RNF141: variants seen among roughly 807,000 people sequenced by gnomAD.
RNF141 encodes the protein ring finger protein 141, also known as C3HC4-like zinc finger protein.
RNF141 carries 18 observed loss-of-function variants against 27.4 expected under a neutral mutation model. The observed-to-expected ratio is 0.66, with a 90% CI of 0.45 to 0.97. The LOEUF (loss-of-function observed/expected upper bound fraction) is 0.97. RNF141 is among the 50% of genes least tolerant of loss of function. RNF141 has a pLI of 0.00. For missense variants in RNF141, 230 were observed against 279.4 expected (o/e 0.82, Z 1.26); for synonymous variants, 97 against 96.6 (o/e 1.00, Z -0.02).
intron 1 of RNF141, among the ~76,000 whole-genome samples, chr11:10,539,404 C>T (rs1357646558): frequency 6.6e-6 from 1 of 151,898 alleles, no homozygotes; most frequent in Admixed American, 6.6e-5. Flanking sequence ...AATTTTGTAT[C>T]AACCTCACCT....
chr11:10,532,692 C>G (rs778816314), intron 2 of RNF141, among the ~76,000 whole-genome samples: 3 of 152,162 alleles, frequency 2.0e-5, no homozygotes, highest in Non-Finnish European at 4.4e-5. Flanking sequence ...GACAGTATAT[C>G]AAGCTTATCT....
intron 5 of RNF141, chr11:10,515,315 C>A: frequency 2.4e-6 from 1 of 413,000 alleles, no homozygotes; most frequent in Non-Finnish European, 4.3e-6. Context: ...CACATGCACG[C>A]ACGTGCACAC....
chr11:10,512,506 G>A lies in RNF141; in HGVS notation c.*2410C>T, dbSNP rs1215988855. 6.6e-6 allele frequency: 1 copy of A among 152,516 alleles called. No homozygotes were observed. The allele number at this position is 152,516 out of a possible 1,614,324, so 9.4% of individuals were successfully genotyped here. On this transcript the variant is annotated 3_prime_UTR_variant, in exon 6 of 6. Transcript: ENST00000265981. ...TCCTTGAAAGGTGAAGGATTCTGGG[G>A]GATAAAATCATTGGCTATCCCTGGA...
In RNF141 at chr11:10,519,125, C is replaced by A. The variant is rs756839079; in HGVS notation, c.451G>T (p.Asp151Tyr). Residue 151 changes from aspartate to tyrosine, a missense_variant, in exon 5 of 6, where the codon GAT becomes TAT. Asp to Tyr is a radical substitution (Grantham distance 160). Coordinates refer to ENST00000265981, the MANE Select transcript of RNF141 (RefSeq NM_016422.4). ...ATACAGATACAACACTCCTCCTCAT[C>A]GGTCAGCTGCTTCACCCTGCAATGT... The part of the protein sequence containing the change: ...LWMGRVKQLT[D>Y]EEECCICMDG... The A allele has an allele frequency of 6.2e-7, 1 of 1,613,786 alleles. No individual in the cohort carries two copies. Among genetic ancestry groups the A allele is most frequent in the East Asian group, 2.2e-5 (1 of 44,876 alleles).
In RNF141 at chr11:10,513,142, G is replaced by A. The variant is rs1018670649; in HGVS notation, c.*1774C>T. 7 of 152,194 alleles carry A rather than the reference G, an allele frequency of 4.6e-5. No homozygotes were observed. The highest frequency in any genetic ancestry group is 1.7e-4 in the African/African-American group (7 of 41,456). 9.4% of individuals were successfully genotyped at this position (152,194 alleles called of 1,614,324 possible). ...GATATGATGGAACCCCTGGTACTCT[G>A]CTTGCATAAACCTCCATAGGGAGTA... On this transcript the variant is annotated 3_prime_UTR_variant, in exon 6 of 6. Transcript: ENST00000265981.
Position 10,512,904 on chromosome 11 carries a change from A to G in RNF141, c.*2012T>C, listed in dbSNP as rs1364211230. On this transcript the variant is annotated 3_prime_UTR_variant, in exon 6 of 6. Transcript: ENST00000265981. ...TATATAAAGTTTATATAATAAGGAA[A>G]TTTATAATAATATGACTTTTATATA... 2 of 152,188 alleles carry G rather than the reference A, an allele frequency of 1.3e-5. No individual in the cohort carries two copies. The highest frequency in any genetic ancestry group is 4.8e-5 in the African/African-American group (2 of 41,460). The allele number at this position is 152,188 out of a possible 1,614,324, so 9.4% of individuals were successfully genotyped here. A position where few individuals can be genotyped will look rare whatever the true frequency, so the allele number is the denominator to read the frequency against.
In RNF141 at chr11:10,519,106, A is replaced by G; in HGVS notation, c.470T>C (p.Ile157Thr). 1.2e-6 allele frequency: 2 copies of G among 1,614,028 alleles called. No individual in the cohort carries two copies. Among genetic ancestry groups the G allele is most frequent in the East Asian group, 2.2e-5 (1 of 44,878 alleles). Residue 157 changes from isoleucine to threonine, a missense_variant, in exon 5 of 6, where the codon ATC (isoleucine) becomes ACC (threonine). By Grantham distance (89) the Ile-to-Thr change is moderately conservative (BLOSUM62 -1). Transcript: ENST00000265981. ...KQLTDEEECC[I>T]CMDGRADLIL... Reference sequence around the variant, plus strand: ...GAGGTCAGCCCGCCCATCCATACAGATACAACACTCCTCCTCATCGGTCAG... The same window carrying G: ...GAGGTCAGCCCGCCCATCCATACAGGTACAACACTCCTCCTCATCGGTCAG...
At chr11:10,515,363 G>C (rs1182698198) in intron 5 of RNF141, 15 of 276,568 alleles carry the variant, frequency 5.4e-5, no homozygotes. Flanking sequence ...TTACAGACTA[G>C]TATGTATCAG....
chr11:10,530,102 AG>A (rs1849972622), intron 3 of RNF141, among the ~76,000 whole-genome samples: 1 of 152,208 alleles, frequency 6.6e-6, no homozygotes, highest in South Asian at 2.1e-4. Flanking sequence ...TTTAATCAAA[AG>A]GTTTGTAGCC....
intron 4 of RNF141, among the ~76,000 whole-genome samples, chr11:10,520,811 T>C (rs1002930168): frequency 6.6e-6 from 1 of 152,302 alleles, no homozygotes; most frequent in South Asian, 2.1e-4. Context: ...GCAATAGGAA[T>C]TTTTTAGCTC....
chr11:10,529,526 TGACTAATGCAGAA>T (rs1299044718), intron 3 of RNF141, among the ~76,000 whole-genome samples: 1 of 152,212 alleles, frequency 6.6e-6, no homozygotes, highest in Non-Finnish European at 1.5e-5. Context: ...AAGGTCATTG[TGACTAATGCAGAA>T]AAGATAGTTT....
At chr11:10,515,852 A>G (rs1849839056) in intron 5 of RNF141, 1 of 152,236 alleles carries the variant, frequency 6.6e-6, no homozygotes, top group South Asian at 2.1e-4. Flanking sequence ...GTTAAAAGAT[A>G]AACTTTACAT....
At position 10,526,212 on chromosome 11, in the gene RNF141, T is replaced by C. The variant is rs142590682; in HGVS notation, c.253-839A>G. Reference sequence around the variant, plus strand: ...ACTGGGGAAGAAGTAAGCCATGAAATCTATTAAGTGCATATCAGAGTAAGA... The same window carrying C: ...ACTGGGGAAGAAGTAAGCCATGAAACCTATTAAGTGCATATCAGAGTAAGA... On this transcript the variant is annotated intron_variant, in intron 3 of 5. Coordinates refer to ENST00000265981, the MANE Select transcript of RNF141 (RefSeq NM_016422.4). Among the ~76,000 whole-genome samples the C allele has an allele frequency of 2.5e-3, 387 of 152,146 alleles. 1 individual carries two copies. Among genetic ancestry groups the C allele is most frequent in the African/African-American group, 8.8e-3 (365 of 41,484 alleles).
rs771576910 is a variant in RNF141 at position 10,512,445 on chromosome 11, G to C, written c.*2471C>G. The C allele has an allele frequency of 6.6e-6, 1 of 152,536 alleles. No individual in the cohort carries two copies. The highest frequency in any genetic ancestry group is 6.5e-5 in the Admixed American group (1 of 15,274). The allele number at this position is 152,536 out of a possible 1,614,324, so 9.4% of individuals were successfully genotyped here. ...TCATATTGTAAAATAAAAAGGTTTG[G>C]GCCCTATTGAGTCACTGGGCTCATT... is the stretch of plus-strand genomic sequence containing the variant. On this transcript the variant is annotated 3_prime_UTR_variant, in exon 6 of 6. Coordinates refer to ENST00000265981, the MANE Select transcript of RNF141 (RefSeq NM_016422.4).
chr11:10,527,845 T>C (rs1475812602), intron 3 of RNF141, among the ~76,000 whole-genome samples: 1 of 151,944 alleles, frequency 6.6e-6, no homozygotes. Context: ...AGGAATAGGG[T>C]GGTAGTAGCG....
rs1849823867 is a variant in RNF141, at chr11:10,514,018, G to A, written c.*898C>T. 1 of 152,146 alleles carries A rather than the reference G, an allele frequency of 6.6e-6. No individual in the cohort carries two copies. The highest frequency in any genetic ancestry group is 2.4e-5 in the African/African-American group (1 of 41,418). The allele number at this position is 152,146 out of a possible 1,614,324, so 9.4% of individuals were successfully genotyped here. A position where few individuals can be genotyped will look rare whatever the true frequency, so the allele number is the denominator to read the frequency against. On this transcript the variant is annotated 3_prime_UTR_variant, in exon 6 of 6. Transcript: ENST00000265981. ...GAAATTTGAGGACTCTGAAATCTCA[G>A]AAAGATGTTTTCAAGTTAAGGAAAT...
At chr11:10,520,641 C>A (rs1241664706) in intron 4 of RNF141, among the ~76,000 whole-genome samples, 1 of 152,146 alleles carries the variant, frequency 6.6e-6, no homozygotes, top group African/African-American at 2.4e-5. Context: ...ATAATAAATG[C>A]ATAAACCAGT....
chr11:10,513,173 C>CTATT lies in RNF141; in HGVS notation c.*1739_*1742dup, dbSNP rs1199939181. 5.3e-5 allele frequency: 8 copies of CTATT among 152,316 alleles called. No homozygotes were observed. Among genetic ancestry groups the CTATT allele is most frequent in the African/African-American group, 1.4e-4 (6 of 41,556 alleles). The allele number at this position is 152,316 out of a possible 1,614,324, so 9.4% of individuals were successfully genotyped here. A position where few individuals can be genotyped will look rare whatever the true frequency, so the allele number is the denominator to read the frequency against. ...ATAAACCTCCATAGGGAGTAGTTAG[C>CTATT]TATTTGGTACTTAGCTGTCCCATTA... On this transcript the variant is annotated 3_prime_UTR_variant, in exon 6 of 6. Transcript: ENST00000265981.
At chr11:10,534,372 C>T (rs1002551090) in intron 1 of RNF141, among the ~76,000 whole-genome samples, 167 bp from the exon 2 acceptor site, 1 of 151,952 alleles carries the variant, frequency 6.6e-6, no homozygotes, top group African/African-American at 2.4e-5. Context: ...ATTCACATAG[C>T]TAAATGAGAA....
Sources: gnomAD v4.1 joint callset for allele counts (sites outside exome capture counted in the v4.1 genomes callset) on GRCh38, gnomAD v4.1.1 for gene constraint, MANE v1.5 for transcripts, NCBI Gene and HGNC (gene_info 2026-07-23, HGNC 2026-07-21) for gene names.